RALYL: variants seen among roughly 807,000 people sequenced by gnomAD.
RALYL encodes RNA-binding Raly-like protein.
RALYL carries 29 observed loss-of-function variants against 35.1 expected under a neutral mutation model. That is an observed-to-expected ratio of 0.83 (90% CI 0.61 to 1.13). RALYL has a LOEUF of 1.13. Ranked by LOEUF, RALYL falls within the 50% of genes most tolerant of loss-of-function variation. The pLI is 0.00. For synonymous variants in RALYL, 120 were observed against 127.6 expected, an observed-to-expected ratio of 0.94 and a Z score of 0.40; for missense variants, 359 against 360.4, an observed-to-expected ratio of 1.00 and a Z score of 0.03.
intron 2 of RALYL, among the ~76,000 whole-genome samples, chr8:84,732,676 A>ATATG: frequency 7.2e-6 from 1 of 139,732 alleles, no homozygotes; most frequent in Admixed American, 7.0e-5. Flanking sequence ...AATTATATAT[A>ATATG]TATATATACA....
chr8:84,557,818 A>C (rs1164140944), intron 2 of RALYL, among the ~76,000 whole-genome samples: 1 of 152,292 alleles, frequency 6.6e-6, no homozygotes, highest in South Asian at 2.1e-4. Flanking sequence ...AATTTGAGTG[A>C]AAAGACTTCA....
intron 1 of RALYL, among the ~76,000 whole-genome samples, chr8:84,212,184 A>G (rs941583280): frequency 6.6e-6 from 1 of 152,162 alleles, no homozygotes; most frequent in Non-Finnish European, 1.5e-5. Context: ...ATAATTCTGA[A>G]TATACATTTT....
chr8:84,717,691 A>T lies in RALYL; in HGVS notation c.257-56888A>T, dbSNP rs189832378. Among the ~76,000 whole-genome samples the T allele has an allele frequency of 3.1e-3, 465 of 152,306 alleles. 2 individuals are homozygous for T. The highest frequency in any genetic ancestry group is 4.5e-3 in the Non-Finnish European group (307 of 68,018). Reference sequence around the variant, plus strand: ...GTTATGATAATTTCATTTTGGGTCCAGGATAATTAAATCTGGAATTGCATA... The same window carrying T: ...GTTATGATAATTTCATTTTGGGTCCTGGATAATTAAATCTGGAATTGCATA... On this transcript the variant is annotated intron_variant, in intron 2 of 8. Transcript: ENST00000521268.
intron 8 of RALYL, 123 bp downstream of exon 8, chr8:84,887,899 A>AG (rs1843180755): frequency 1.2e-6 from 1 of 848,132 alleles, no homozygotes; most frequent in Non-Finnish European, 1.9e-6. Context: ...GCATATATTT[A>AG]AGGGAACATG....
At chr8:84,355,278 C>T (rs1406274076) in intron 1 of RALYL, among the ~76,000 whole-genome samples, 1 of 150,476 alleles carries the variant, frequency 6.6e-6, no homozygotes, top group Admixed American at 6.6e-5. Flanking sequence ...TATGTCACAT[C>T]AGCTGCCCCA....
intron 1 of RALYL, among the ~76,000 whole-genome samples, chr8:84,441,068 G>A (rs559794935): frequency 2.0e-5 from 3 of 151,920 alleles, no homozygotes; most frequent in South Asian, 2.1e-4. Flanking sequence ...ATGTTTTGCC[G>A]ATCTAATAGG....
At chr8:84,839,935 C>G (rs912478964) in intron 4 of RALYL, among the ~76,000 whole-genome samples, 1 of 152,170 alleles carries the variant, frequency 6.6e-6, no homozygotes, top group Non-Finnish European at 1.5e-5. Flanking sequence ...AACTAACAAA[C>G]AGAAAGGACA....
intron 5 of RALYL, among the ~76,000 whole-genome samples, chr8:84,859,640 A>G (rs1366460133): frequency 6.6e-6 from 1 of 152,166 alleles, no homozygotes; most frequent in Admixed American, 6.5e-5. Context: ...ACTTCAGTCC[A>G]AGAGTTCGAG....
intron 2 of RALYL, among the ~76,000 whole-genome samples, chr8:84,735,761 A>G: frequency 6.6e-6 from 1 of 151,312 alleles, no homozygotes; most frequent in East Asian, 1.9e-4. Flanking sequence ...CGATTTTACT[A>G]TCAACTATGG....
At chr8:84,904,947 A>G (rs1278260079) in intron 8 of RALYL, among the ~76,000 whole-genome samples, 1 of 152,092 alleles carries the variant, frequency 6.6e-6, no homozygotes, top group East Asian at 1.9e-4. Flanking sequence ...GACTGAATGG[A>G]AGAACACTTA....
chr8:84,214,726 C>T lies in RALYL; in HGVS notation c.-24+30302C>T, dbSNP rs532930061. Reference sequence around the variant, plus strand: ...TATTCACTATATCACTGTCATGTTACCAGTGTCTGTTACAGATTTGTTGGG... The same window carrying T: ...TATTCACTATATCACTGTCATGTTATCAGTGTCTGTTACAGATTTGTTGGG... On this transcript the variant is annotated intron_variant, in intron 1 of 8. Coordinates refer to ENST00000521268, the MANE Select transcript of RALYL (RefSeq NM_173848.7). 7.2e-5 allele frequency among the ~76,000 whole-genome samples: 11 copies of T among 152,084 alleles called. No homozygotes were observed. In the East Asian group the frequency reaches 2.1e-3, roughly 29 times the overall value.
At chr8:84,530,963 T>G (rs1287286726) in intron 2 of RALYL, among the ~76,000 whole-genome samples, 1 of 152,164 alleles carries the variant, frequency 6.6e-6, no homozygotes, top group Non-Finnish European at 1.5e-5. Context: ...TATTTGCTCC[T>G]TTCTTTAGAG....
At chr8:84,623,578 G>A (rs962056870) in intron 2 of RALYL, among the ~76,000 whole-genome samples, 1 of 152,136 alleles carries the variant, frequency 6.6e-6, no homozygotes, top group Non-Finnish European at 1.5e-5. Context: ...GAGGTAGGGA[G>A]AGGAAGTTGT....
At chr8:84,640,421 A>T (rs1826061647) in intron 2 of RALYL, among the ~76,000 whole-genome samples, 1 of 152,018 alleles carries the variant, frequency 6.6e-6, no homozygotes. Context: ...ATTAAATCTG[A>T]TGAAAAAGTA....
chr8:84,315,496 A>G (rs1436036660), intron 1 of RALYL, among the ~76,000 whole-genome samples: 2 of 152,178 alleles, frequency 1.3e-5, no homozygotes, highest in Non-Finnish European at 1.5e-5. Context: ...AGGAAAAGGA[A>G]TTGCAGGTCT....
chr8:84,217,993 T>G (rs1280533547), intron 1 of RALYL, among the ~76,000 whole-genome samples: 1 of 152,072 alleles, frequency 6.6e-6, no homozygotes, highest in African/African-American at 2.4e-5. Context: ...CATTTAAGAT[T>G]TTTTTTCTTA....
intron 1 of RALYL, among the ~76,000 whole-genome samples, chr8:84,477,725 A>G (rs1269158507): frequency 1.3e-5 from 2 of 151,096 alleles, no homozygotes; most frequent in African/African-American, 4.8e-5. Flanking sequence ...AAAGCGTCAC[A>G]GAAAGTAATT....
At chr8:84,319,901 A>G (rs1251707969) in intron 1 of RALYL, among the ~76,000 whole-genome samples, 8 of 152,096 alleles carry the variant, frequency 5.3e-5, no homozygotes, top group Non-Finnish European at 1.0e-4. Context: ...TTTGTAAGAC[A>G]GAATTCAAAT....
chr8:84,828,942 ACC>A (rs1394600247), intron 4 of RALYL: 1 of 151,832 alleles, frequency 6.6e-6, no homozygotes, highest in Admixed American at 6.6e-5. Flanking sequence ...CAGTTCGCTG[ACC>A]CACTACCTTA....
Sources: gnomAD v4.1 joint callset for allele counts (sites outside exome capture counted in the v4.1 genomes callset) on GRCh38, gnomAD v4.1.1 for gene constraint, MANE v1.5 for transcripts, NCBI Gene and HGNC (gene_info 2026-07-23, HGNC 2026-07-21) for gene names.